The following GLB1 variants were observed in gnomAD, a reference collection of about 807,000 sequenced individuals.
GLB1 encodes the protein galactosidase beta 1, also known as beta-galactosidase.
A neutral mutation model predicts 74.0 loss-of-function variants in GLB1; 56 were observed. The observed-to-expected ratio is 0.76, with a 90% CI of 0.61 to 0.94. GLB1 has a LOEUF of 0.94. Ranked by LOEUF, GLB1 falls within the 40% of genes least tolerant of loss-of-function variation. The pLI is 0.00. For missense variants in GLB1, 787 were observed against 845.5 expected, an observed-to-expected ratio of 0.93 and a Z score of 0.86; for synonymous variants, 323 against 323.6, an observed-to-expected ratio of 1.00 and a Z score of 0.02.
At chr3:33,090,267 G>T in intron 1 of GLB1, 1 of 447,006 alleles carries the variant, frequency 2.2e-6, no homozygotes. Flanking sequence ...ATATACTCCA[G>T]CCAAAAAATA....
chr3:33,045,481 G>A, intron 10 of GLB1: 1 of 988,584 alleles, frequency 1.0e-6, no homozygotes, highest in Non-Finnish European at 1.2e-6. Flanking sequence ...TGTATATTGG[G>A]CCACACATAA....
chr3:32,986,446 C>T, the GLB1 span, among the ~76,000 whole-genome samples: 1 of 152,186 alleles, frequency 6.6e-6, no homozygotes, highest in East Asian at 1.9e-4. Flanking sequence ...TATTTTCCTT[C>T]TTACACAATC....
At chr3:32,980,516 T>C in the GLB1 span, among the ~76,000 whole-genome samples, 2 of 152,188 alleles carry the variant, frequency 1.3e-5, no homozygotes, top group African/African-American at 4.8e-5. Flanking sequence ...TATCCTAAAA[T>C]CCTTAATTTA....
At chr3:33,067,911 A>G (rs1297661315) in intron 4 of GLB1, among the ~76,000 whole-genome samples, 1 of 152,170 alleles carries the variant, frequency 6.6e-6, no homozygotes, top group African/African-American at 2.4e-5. Flanking sequence ...TTTGAGACAG[A>G]GTCACGCTTT....
chr3:33,050,282 G>A (rs907064735), intron 9 of GLB1, among the ~76,000 whole-genome samples: 4 of 152,102 alleles, frequency 2.6e-5, no homozygotes, highest in Non-Finnish European at 4.4e-5. Context: ...TGACACAGCC[G>A]TTCCACTTCT....
the GLB1 span, among the ~76,000 whole-genome samples, chr3:32,980,889 G>A: frequency 3.3e-5 from 5 of 152,008 alleles, no homozygotes; most frequent in East Asian, 3.9e-4. Context: ...TCAGAAGTTC[G>A]AGACCAGCCT....
At chr3:32,988,541 C>G in the GLB1 span, among the ~76,000 whole-genome samples, 1 of 152,188 alleles carries the variant, frequency 6.6e-6, no homozygotes, top group Non-Finnish European at 1.5e-5. Context: ...ATGGGTGGCT[C>G]CTTCCTAGCT....
chr3:33,033,697 C>T (rs964291053), intron 10 of GLB1, among the ~76,000 whole-genome samples: 2 of 150,536 alleles, frequency 1.3e-5, no homozygotes, highest in African/African-American at 4.9e-5. Context: ...AGGAGAATCG[C>T]TTGAACCTGG....
Position 33,093,085 on chromosome 3 carries a change from G to A in GLB1, c.75+3926C>T, listed in dbSNP as rs781284615. 6.2e-7 allele frequency: 1 copy of A among 1,614,226 alleles called. No individual in the cohort carries two copies. The highest frequency in any genetic ancestry group is 8.5e-7 in the Non-Finnish European group (1 of 1,180,040). ...TGGAGAGCTCTCTTGGCAGCCAGGG[G>A]CTGGTGAGCTAGCAAGATGATTGTG... On this transcript the variant is annotated intron_variant, in intron 1 of 15. Transcript: ENST00000307363. This position sits in a 1 kb window ranked among gnomAD's most constrained non-coding sequence, Gnocchi z 6.0.
chr3:32,981,772 C>CAA, the GLB1 span, among the ~76,000 whole-genome samples: 14,752 of 138,040 alleles, frequency 0.11, 895 homozygotes, highest in African/African-American at 0.19. Flanking sequence ...GACTCCATCT[C>CAA]AAAAAAAAAA....
At chr3:33,013,063 G>T (rs1000019778) in intron 15 of GLB1, among the ~76,000 whole-genome samples, 1 of 152,144 alleles carries the variant, frequency 6.6e-6, no homozygotes, top group Non-Finnish European at 1.5e-5. Flanking sequence ...CTTTAACGTG[G>T]CCTATAAGGC....
rs777274100 is a variant in GLB1 at position 33,093,452 on chromosome 3, G to A, written c.75+3559C>T. 7.4e-6 allele frequency: 12 copies of A among 1,613,950 alleles called. No homozygotes were observed. The highest frequency in any genetic ancestry group is 6.7e-5 in the Admixed American group (4 of 59,976). ...TCCGCAGGACCGAGGCTTCTGAGTC[G>A]GAGAGGTCACCCACAATCACCGTGA... On this transcript the variant is annotated intron_variant, in intron 1 of 15. Transcript: ENST00000307363. This position sits in a 1 kb window ranked among gnomAD's most constrained non-coding sequence, Gnocchi z 6.0.
chr3:33,079,754 T>G (rs1354278066), intron 1 of GLB1, among the ~76,000 whole-genome samples: 3 of 152,134 alleles, frequency 2.0e-5, no homozygotes, highest in African/African-American at 7.2e-5. Context: ...GGGAGGGATA[T>G]AGGGTGAAAA....
intron 4 of GLB1, 138 bp from the exon 5 acceptor site, chr3:33,065,695 C>G: frequency 1.0e-6 from 1 of 989,002 alleles, no homozygotes; most frequent in Non-Finnish European, 1.5e-6. Context: ...TGGCTGGGTG[C>G]GGTGGCTCAC....
chr3:33,020,180 T>C (rs1273840764), intron 12 of GLB1, among the ~76,000 whole-genome samples: 2 of 152,108 alleles, frequency 1.3e-5, no homozygotes, highest in African/African-American at 4.8e-5. Flanking sequence ...AAACAGTGAA[T>C]GTGTGTGTGG....
chr3:32,973,306 G>A, the GLB1 span, among the ~76,000 whole-genome samples: 53 of 151,960 alleles, frequency 3.5e-4, no homozygotes, highest in East Asian at 1.5e-3. Flanking sequence ...GTGTGTGTGT[G>A]TATATATATA....
the GLB1 span, among the ~76,000 whole-genome samples, chr3:32,969,048 G>A: frequency 6.6e-6 from 1 of 152,178 alleles, no homozygotes; most frequent in Admixed American, 6.5e-5. Context: ...GTGTGGATGT[G>A]GTAGATAGAG....
rs981876412 is a variant in GLB1, at chr3:33,096,678, T to C, written c.75+333A>G. On this transcript the variant is annotated intron_variant, in intron 1 of 15. Transcript: ENST00000307363. ...ACCCTCTAACCCGCGCAACTTGGAA[T>C]CCCCTCCCGGAAAGCCAACTTAGGA... The C allele has an allele frequency of 2.6e-6, 3 of 1,147,312 alleles. No individual in the cohort carries two copies. The African/African-American group carries it at 4.9e-5, about 19-fold the overall frequency. 71.1% of individuals were successfully genotyped at this position (1,147,312 alleles called of 1,614,324 possible). A position where few individuals can be genotyped will look rare whatever the true frequency, so the allele number is the denominator to read the frequency against.
At chr3:33,072,479 A>G in intron 2 of GLB1, 65 bp downstream of exon 2, 1 of 1,606,674 alleles carries the variant, frequency 6.2e-7, no homozygotes, top group Non-Finnish European at 8.5e-7. Flanking sequence ...TGAGAAATAC[A>G]GTTGTATCTT....
Sources: allele counts gnomAD v4.1 joint callset (sites outside exome capture counted in the v4.1 genomes callset), GRCh38; gene constraint gnomAD v4.1.1; non-coding constraint Gnocchi (gnomAD v3.1); transcripts MANE v1.5; gene names NCBI Gene and HGNC (gene_info 2026-07-23, HGNC 2026-07-21).